The following ARHGEF25 variants were observed in gnomAD, a reference collection of about 807,000 sequenced individuals.
ARHGEF25 encodes the protein RAC/CDC42 exchange factor.
In ARHGEF25, 42 loss-of-function variants were observed where a neutral mutation model predicts 74.0. The ratio of observed to expected loss-of-function variants is 0.57; its 90% CI spans 0.44 to 0.73. The LOEUF (loss-of-function observed/expected upper bound fraction) is 0.73. ARHGEF25 is among the 30% of genes least tolerant of loss of function. The pLI is 0.00. For synonymous variants in ARHGEF25, 293 were observed against 278.6 expected (o/e 1.05, Z -0.51); for missense variants, 645 against 725.5 (o/e 0.89, Z 1.27).
chr12:57,615,432 A>T, intron 11 of ARHGEF25, 80 bp from the exon 12 acceptor site: 1 of 1,598,020 alleles, frequency 6.3e-7, no homozygotes, highest in Non-Finnish European at 8.6e-7. Flanking sequence ...TTGGTTGGGC[A>T]TGTCAGGCGA....
At chr12:57,616,644 C>T (rs1434562404) in intron 14 of ARHGEF25, 140 bp from the exon 15 acceptor site, 19 of 998,986 alleles carry the variant, frequency 1.9e-5, no homozygotes, top group Non-Finnish European at 2.0e-5. Context: ...TCTATTTTAA[C>T]TCTGGAGAAG....
rs754396868 is a variant in ARHGEF25, at chr12:57,613,326, C to T, written c.375C>T (p.Thr125=). 10 of 1,614,108 alleles carry T rather than the reference C, an allele frequency of 6.2e-6. No homozygotes were observed. In the South Asian group the frequency reaches 1.1e-4, roughly 18 times the overall value. ...GEELPELTLL[T]TLLEGPGDKT... The stretch of plus-strand genomic sequence containing the variant: ...AGCTGCCGGAACTGACCTTGCTGAC[C>T]ACACTGTTGGAGGGCCCTGGAGATA... Residue 125 remains threonine (T), a synonymous_variant, in exon 3 of 15, where the codon ACC becomes ACT. Transcript: ENST00000286494.
chr12:57,616,451 C>A lies in ARHGEF25; in HGVS notation c.1588C>A (p.Pro530Thr). The change falls in exon 14 of 15, where the codon CCC becomes ACC. Residue 530 changes from proline (P) to threonine (T), a missense_variant. This residue lies in a region of ARHGEF25 where 262 missense variants were observed against 256.9 expected (regional missense o/e 1.02). Transcript: ENST00000286494. ...NGSLPSLLLS[P>T]KGEVARALLP... Reference sequence around the variant, plus strand: ...CTCTCTCCCCTCTCTGCTGCTGTCACCCAAAGGGGAGGTGGCCAGAGCCCT... The same window carrying A: ...CTCTCTCCCCTCTCTGCTGCTGTCAACCAAAGGGGAGGTGGCCAGAGCCCT... 1 of 1,614,146 alleles carries A rather than the reference C, an allele frequency of 6.2e-7. No homozygotes were observed. The highest frequency in any genetic ancestry group is 8.5e-7 in the Non-Finnish European group (1 of 1,180,024).
At chr12:57,610,144 C>A (rs1022781919), upstream of ARHGEF25, 2 of 793,248 alleles carry the variant, frequency 2.5e-6, no homozygotes, top group Admixed American at 2.8e-5. Flanking sequence ...TCCCCGGACG[C>A]GCGCAGGCCT....
At chr12:57,616,040 C>T in intron 13 of ARHGEF25, 23 bp downstream of exon 13, 2 of 1,599,424 alleles carry the variant, frequency 1.3e-6, no homozygotes, top group South Asian at 1.1e-5. Context: ...TCCTTTCTTC[C>T]CGATGTGCTC....
At position 57,615,715 on chromosome 12, in the gene ARHGEF25, G is replaced by T. The variant is rs1439482001; in HGVS notation, c.1239+3G>T. 2.5e-6 allele frequency: 4 copies of T among 1,614,186 alleles called. No individual in the cohort carries two copies. Among genetic ancestry groups the T allele is most frequent in the Non-Finnish European group, 3.4e-6 (4 of 1,180,034 alleles). ...ATGTATACAAGAACAGCATTAAGGT[G>T]GGGAGAAGGCCACGAGGGAGGGCTT... On this transcript the variant is annotated splice_donor_region_variant and intron_variant, in intron 12 of 14. Transcript: ENST00000286494.
chr12:57,610,587 T>A, upstream of ARHGEF25: 1 of 1,611,750 alleles, frequency 6.2e-7, no homozygotes, highest in Non-Finnish European at 8.5e-7. Flanking sequence ...GGAGAAGCCC[T>A]CTAGGGTTGG....
chr12:57,616,489 T>C lies in ARHGEF25; in HGVS notation c.1626T>C (p.Asp542=). The C allele has an allele frequency of 5.6e-6, 9 of 1,613,882 alleles. No individual in the cohort carries two copies. Among genetic ancestry groups the C allele is most frequent in the Non-Finnish European group, 6.8e-6 (8 of 1,179,870 alleles). ...GEVARALLPL[D]KQALGDIPQA... ...TGGCCAGAGCCCTCTTGCCACTGGA[T>C]AAACAGGTATGACGAATAGAGCTCC... Residue 542 remains aspartate, a synonymous_variant, in exon 14 of 15, where the codon GAT becomes GAC. Coordinates refer to ENST00000286494, the MANE Select transcript of ARHGEF25 (RefSeq NM_182947.4).
upstream of ARHGEF25, chr12:57,610,684 G>T: frequency 1.2e-6 from 2 of 1,605,654 alleles, no homozygotes; most frequent in South Asian, 1.1e-5. Context: ...TCTGCAGCCC[G>T]GTAAGAAGCT....
intron 1 of ARHGEF25, 192 bp from the exon 2 acceptor site, chr12:57,612,738 T>C (rs2140220671): frequency 2.0e-6 from 3 of 1,470,178 alleles, no homozygotes; most frequent in South Asian, 3.0e-5. Context: ...GCGTTTACCT[T>C]ACTGTGCTTT....
chr12:57,612,949 C>A lies in ARHGEF25; in HGVS notation c.117C>A (p.Gly39=). 1 of 1,614,022 alleles carries A rather than the reference C, an allele frequency of 6.2e-7. No homozygotes were observed. The highest frequency in any genetic ancestry group is 8.5e-7 in the Non-Finnish European group (1 of 1,179,934). Residue 39 remains glycine, a synonymous_variant, in exon 2 of 15, where the codon GGC becomes GGA. Coordinates refer to ENST00000286494, the MANE Select transcript of ARHGEF25 (RefSeq NM_182947.4). The stretch of plus-strand genomic sequence containing the variant: ...CATTAGAATCCTATTCCATTGCGGG[C>A]AGTGAGGGGAGTATATCGGCTTCTG... ...RGGRESYSIA[G]SEGSISASAA...
Position 57,615,913 on chromosome 12 carries a change from G to A in ARHGEF25, c.1316G>A (p.Gly439Asp), listed in dbSNP as rs1187229812. ...RFALTSRGPE[G>D]GIQRYVLQAA... The stretch of plus-strand genomic sequence containing the variant: ...GCACTGACCTCCAGAGGGCCAGAGG[G>A]TGGGATCCAGCGCTATGTCCTGCAG... The change falls in exon 13 of 15, where the codon GGT (glycine) becomes GAT (aspartate). Residue 439 changes from glycine (G) to aspartate (D), a missense_variant. Coordinates refer to ENST00000286494, the MANE Select transcript of ARHGEF25 (RefSeq NM_182947.4). 6 of 1,614,194 alleles carry A rather than the reference G, an allele frequency of 3.7e-6. No homozygotes were observed. The highest frequency in any genetic ancestry group is 5.1e-6 in the Non-Finnish European group (6 of 1,180,020).
chr12:57,616,112 A>G (rs1483458235), intron 13 of ARHGEF25, 95 bp downstream of exon 13: 8 of 1,505,636 alleles, frequency 5.3e-6, no homozygotes, highest in African/African-American at 1.4e-5. Context: ...CCCTCTGACC[A>G]TGGCCCATCC....
At position 57,613,071 on chromosome 12, in the gene ARHGEF25, G is replaced by T; in HGVS notation, c.239G>T (p.Arg80Ile). ...GPPGPVSGLRRWLDHSKHCLS... is the reference protein window; with the variant it reads ...GPPGPVSGLRIWLDHSKHCLS... Reference sequence around the variant, plus strand: ...CCAGGGCCCGTCAGTGGCCTGAGGAGATGGTTGGATCATTCCAAACATTGT... The same window carrying T: ...CCAGGGCCCGTCAGTGGCCTGAGGATATGGTTGGATCATTCCAAACATTGT... Residue 80 changes from arginine (R) to isoleucine (I), a missense_variant, in exon 2 of 15, where the codon AGA (arginine) becomes ATA (isoleucine). This residue lies in a region of ARHGEF25 where 189 missense variants were observed against 199.1 expected (regional missense o/e 0.95). Transcript: ENST00000286494. The T allele has an allele frequency of 6.2e-7, 1 of 1,614,160 alleles. No individual in the cohort carries two copies. Among genetic ancestry groups the T allele is most frequent in the Non-Finnish European group, 8.5e-7 (1 of 1,180,008 alleles).
At chr12:57,613,823 T>G in intron 5 of ARHGEF25, 63 bp downstream of exon 5, 7 of 1,589,796 alleles carry the variant, frequency 4.4e-6, no homozygotes, top group Non-Finnish European at 5.1e-6. Flanking sequence ...AGGGCTATTT[T>G]CAGGAGGTGC....
rs1296629296 is a variant in ARHGEF25, at chr12:57,616,917, T to A, written c.*23T>A. 2 of 1,581,792 alleles carry A rather than the reference T, an allele frequency of 1.3e-6. No individual in the cohort carries two copies. The highest frequency in any genetic ancestry group is 3.3e-5 in the Admixed American group (2 of 59,808). ...TAACTGGTGAAAACCATGGGGGTGG[T>A]GCTGACTCAGCCGCCTATTCCCCAA... On this transcript the variant is annotated 3_prime_UTR_variant, in exon 15 of 15. Transcript: ENST00000286494.
chr12:57,613,426 T>C lies in ARHGEF25; in HGVS notation c.409-14T>C. On this transcript the variant is annotated splice_polypyrimidine_tract_variant and intron_variant, in intron 3 of 14. Transcript: ENST00000286494. Reference sequence around the variant, plus strand: ...GCATTCGTTTGCTCACCCTAGGATGTTCTTTCCTTCCAGCCACCTGAAGAG... The same window carrying C: ...GCATTCGTTTGCTCACCCTAGGATGCTCTTTCCTTCCAGCCACCTGAAGAG... 1 of 1,614,178 alleles carries C rather than the reference T, an allele frequency of 6.2e-7. No homozygotes were observed. The highest frequency in any genetic ancestry group is 2.2e-5 in the East Asian group (1 of 44,876).
Position 57,615,909 on chromosome 12 carries a change from G to A in ARHGEF25, c.1312G>A (p.Glu438Lys). The change falls in exon 13 of 15, where the codon GAG becomes AAG. Residue 438 changes from glutamate to lysine, a missense_variant. Around this residue, in one of 3 missense-constraint regions of ARHGEF25, gnomAD observed 262 missense variants for 256.9 expected, o/e 1.02. Transcript: ENST00000286494. ...CRFALTSRGP[E>K]GGIQRYVLQA... is the part of the protein sequence containing the mutation. ...CTTTGCACTGACCTCCAGAGGGCCA[G>A]AGGGTGGGATCCAGCGCTATGTCCT... 6.2e-7 allele frequency: 1 copy of A among 1,614,212 alleles called. No homozygotes were observed. The highest frequency in any genetic ancestry group is 8.5e-7 in the Non-Finnish European group (1 of 1,180,028).
chr12:57,617,007 T>G lies in ARHGEF25; in HGVS notation c.*113T>G. Reference sequence around the variant, plus strand: ...CCTCCTTCTTGGTGTGTCTGGAGGGTGGGCAAGGCTGGGAGGGATATCAAC... The same window carrying G: ...CCTCCTTCTTGGTGTGTCTGGAGGGGGGGCAAGGCTGGGAGGGATATCAAC... On this transcript the variant is annotated 3_prime_UTR_variant, in exon 15 of 15. Coordinates refer to ENST00000286494, the MANE Select transcript of ARHGEF25 (RefSeq NM_182947.4). The G allele has an allele frequency of 1.2e-6, 1 of 805,806 alleles. No individual in the cohort carries two copies. Among genetic ancestry groups the G allele is most frequent in the Non-Finnish European group, 2.0e-6 (1 of 497,008 alleles). The allele number at this position is 805,806 out of a possible 1,614,324, so 49.9% of individuals were successfully genotyped here. A position where few individuals can be genotyped will look rare whatever the true frequency, so the allele number is the denominator to read the frequency against.
Sources: allele counts gnomAD v4.1 joint callset, GRCh38; gene constraint gnomAD v4.1.1; regional missense constraint gnomAD v4.1.1; transcripts MANE v1.5; gene names NCBI Gene and HGNC (gene_info 2026-07-23, HGNC 2026-07-21).